The following CDC14B variants were observed in gnomAD, a reference collection of about 807,000 sequenced individuals.
CDC14B encodes dual specificity protein phosphatase CDC14B.
Under a neutral mutation model 64.2 loss-of-function variants are expected in CDC14B, and 22 were observed. The observed-to-expected ratio is 0.34, with a 90% confidence interval of 0.24 to 0.49. CDC14B has a LOEUF of 0.49. Among genes scored for constraint, CDC14B ranks in the 20% least tolerant of loss-of-function variants. CDC14B has a pLI of 0.99. For missense variants in CDC14B, 498 were observed against 629.9 expected, an observed-to-expected ratio of 0.79 and a Z score of 2.24; for synonymous variants, 191 against 215.8, an observed-to-expected ratio of 0.89 and a Z score of 1.01.
intron 13 of CDC14B, among the ~76,000 whole-genome samples, chr9:96,504,189 A>ACCC (rs1465073157): frequency 6.6e-6 from 1 of 152,020 alleles, no homozygotes; most frequent in Non-Finnish European, 1.5e-5. Context: ...GCAGAATGAA[A>ACCC]AGATAGAGAA....
At position 96,522,560 on chromosome 9, in the gene CDC14B, C is replaced by G; in HGVS notation, c.1289G>C (p.Arg430Thr). The G allele has an allele frequency of 1.9e-6, 3 of 1,613,712 alleles. 1 individual carries two copies. In the South Asian group the frequency reaches 3.3e-5, roughly 18 times the overall value. ...TCTTCTGCTTTTCAAGGCCCGAAGT[C>G]TATCACCTTGTGTCACTCCATTGAT... ...DEINGVTQGDRLRALKSRRQS... is the reference protein window; with the variant it reads ...DEINGVTQGDTLRALKSRRQS... Residue 430 changes from arginine to threonine, a missense_variant, in exon 12 of 14, where the codon AGA becomes ACA. By Grantham distance (71) the Arg-to-Thr change is moderately conservative (BLOSUM62 -1). Coordinates refer to ENST00000375241, the MANE Select transcript of CDC14B (RefSeq NM_033331.4).
intron 1 of CDC14B, among the ~76,000 whole-genome samples, chr9:96,566,511 G>A (rs930998308): frequency 2.4e-4 from 36 of 152,226 alleles, no homozygotes; most frequent in African/African-American, 8.7e-4. Flanking sequence ...TGATCCCTGT[G>A]ACAGAGCCCA....
chr9:96,530,813 G>A (rs1022163471), intron 9 of CDC14B, among the ~76,000 whole-genome samples: 1 of 151,942 alleles, frequency 6.6e-6, no homozygotes, highest in Non-Finnish European at 1.5e-5. Context: ...TTTCACATAC[G>A]GTTCTTATGT....
chr9:96,540,722 T>C (rs1204199045), intron 6 of CDC14B, among the ~76,000 whole-genome samples: 1 of 152,132 alleles, frequency 6.6e-6, no homozygotes, highest in Non-Finnish European at 1.5e-5. Flanking sequence ...CCTGCCTGCA[T>C]GAGCCCACCT....
At chr9:96,523,538 T>A (rs1419532356) in intron 10 of CDC14B, 49 bp downstream of exon 10, 3 of 1,611,008 alleles carry the variant, frequency 1.9e-6, no homozygotes, top group Non-Finnish European at 2.5e-6. Context: ...CCCATCAGAT[T>A]CCAACCCCAC....
Position 96,541,348 on chromosome 9 carries a change from T to TGTTGAACTAGA in CDC14B, c.564+477_564+478insTCTAGTTCAAC, listed in dbSNP as rs1285046221. Among the ~76,000 whole-genome samples, 89 of 152,346 alleles carry TGTTGAACTAGA rather than the reference T, an allele frequency of 5.8e-4. No individual in the cohort carries two copies. In the South Asian group the frequency reaches 0.018, roughly 31 times the overall value. On this transcript the variant is annotated intron_variant, in intron 6 of 13. Transcript: ENST00000375241. ...TTTCACATAAAACTGTATAACAAAC[T>TGTTGAACTAGA]AATTGAGGCATTCAAATTCTGTTGA...
chr9:96,588,296 T>C (rs1845572566), intron 1 of CDC14B, among the ~76,000 whole-genome samples: 1 of 152,174 alleles, frequency 6.6e-6, no homozygotes, highest in Non-Finnish European at 1.5e-5. Flanking sequence ...TCCACAGCAG[T>C]AACATTCAGC....
chr9:96,600,729 C>CT (rs1400682498), intron 1 of CDC14B, among the ~76,000 whole-genome samples: 1 of 152,080 alleles, frequency 6.6e-6, no homozygotes, highest in Non-Finnish European at 1.5e-5. Flanking sequence ...TCTCAAACTC[C>CT]TGACCTCAAG....
At chr9:96,605,684 G>A (rs1846855722) in intron 1 of CDC14B, among the ~76,000 whole-genome samples, 1 of 152,138 alleles carries the variant, frequency 6.6e-6, no homozygotes, top group Non-Finnish European at 1.5e-5. Context: ...ACATATATAT[G>A]CCTACTTAGT....
At chr9:96,618,616 G>A (rs200884138) in intron 1 of CDC14B, 68 of 531,400 alleles carry the variant, frequency 1.3e-4, no homozygotes, top group Non-Finnish European at 2.3e-4. Flanking sequence ...CGGACCCCGG[G>A]AGGCGGAGGC....
In CDC14B at chr9:96,598,605, G is replaced by A. The variant is rs529043540; in HGVS notation, c.160+20614C>T. On this transcript the variant is annotated intron_variant, in intron 1 of 13. Coordinates refer to ENST00000375241, the MANE Select transcript of CDC14B (RefSeq NM_033331.4). ...CTGCCTCGGCCTCCCAAAGTGCTGG[G>A]ATTATAGGTGTGAGCCACTGTGCCC... Among the ~76,000 whole-genome samples the A allele has an allele frequency of 2.0e-5, 3 of 152,244 alleles. No individual in the cohort carries two copies. The East Asian group carries it at 5.8e-4, about 29-fold the overall frequency.
intron 1 of CDC14B, among the ~76,000 whole-genome samples, chr9:96,594,442 G>A (rs1393040316): frequency 6.6e-6 from 1 of 152,012 alleles, no homozygotes; most frequent in Non-Finnish European, 1.5e-5. Context: ...GAGGGTGGCC[G>A]CAGTTGGTGC....
intron 5 of CDC14B, among the ~76,000 whole-genome samples, chr9:96,545,750 C>T (rs967846856): frequency 6.6e-6 from 1 of 151,886 alleles, no homozygotes; most frequent in African/African-American, 2.4e-5. Context: ...GGGGCACAGC[C>T]CCGCTCCAAT....
intron 1 of CDC14B, among the ~76,000 whole-genome samples, chr9:96,587,379 C>G (rs1564374301): frequency 6.6e-6 from 1 of 152,192 alleles, no homozygotes; most frequent in Admixed American, 6.5e-5. Context: ...AGTTTCTAAT[C>G]TGTAGCCTCT....
chr9:96,619,163 GC>G, intron 1 of CDC14B, 55 bp downstream of exon 1: 1 of 1,209,288 alleles, frequency 8.3e-7, no homozygotes, highest in Non-Finnish European at 1.0e-6. Flanking sequence ...GTGGGCCAGG[GC>G]CCCGCGCCGG....
chr9:96,557,505 T>G lies in CDC14B; in HGVS notation c.420+5188A>C, dbSNP rs548657562. Among the ~76,000 whole-genome samples the G allele has an allele frequency of 1.5e-4, 23 of 152,348 alleles. No homozygotes were observed. In the South Asian group the frequency reaches 4.4e-3, roughly 29 times the overall value. Reference sequence around the variant, plus strand: ...TTCCTCCTGCAGGCACTGGCTATTCTGAGTCCAAGATAATTAAATCATTTA... The same window carrying G: ...TTCCTCCTGCAGGCACTGGCTATTCGGAGTCCAAGATAATTAAATCATTTA... On this transcript the variant is annotated intron_variant, in intron 4 of 13. Coordinates refer to ENST00000375241, the MANE Select transcript of CDC14B (RefSeq NM_033331.4).
Position 96,503,797 on chromosome 9 carries a change from G to T in CDC14B, c.1461-8C>A. 1 of 1,611,444 alleles carries T rather than the reference G, an allele frequency of 6.2e-7. No individual in the cohort carries two copies. Among genetic ancestry groups the T allele is most frequent in the Non-Finnish European group, 8.5e-7 (1 of 1,179,020 alleles). ...GTCCTTGAAATGGAGAGACTACAGG[G>T]GGAAAAAAAAGGATTTTTACCAGAA... On this transcript the variant is annotated splice_region_variant and splice_polypyrimidine_tract_variant and intron_variant, in intron 13 of 13. Transcript: ENST00000375241.
chr9:96,593,314 C>T (rs1417355538), intron 1 of CDC14B, among the ~76,000 whole-genome samples: 2 of 152,012 alleles, frequency 1.3e-5, no homozygotes, highest in African/African-American at 4.8e-5. Context: ...TGGTGAAACC[C>T]CGTCTCTACT....
intron 13 of CDC14B, among the ~76,000 whole-genome samples, chr9:96,494,285 G>A (rs939196507): frequency 1.4e-4 from 22 of 152,228 alleles, no homozygotes; most frequent in African/African-American, 5.1e-4. Context: ...ACAGGAAAAG[G>A]GATGCCTGTA....
Sources: gnomAD v4.1 joint callset for allele counts (sites outside exome capture counted in the v4.1 genomes callset) on GRCh38, gnomAD v4.1.1 for gene constraint, MANE v1.5 for transcripts, NCBI Gene and HGNC (gene_info 2026-07-23, HGNC 2026-07-21) for gene names.